The following KIF23 variants were observed in gnomAD, a reference collection of about 807,000 sequenced individuals.
The protein encoded by KIF23 is kinesin-like protein KIF23.
In KIF23, 30 loss-of-function variants were observed where a neutral mutation model predicts 137.5. That is an observed-to-expected ratio of 0.22 (90% confidence interval 0.16 to 0.30). The LOEUF (loss-of-function observed/expected upper bound fraction) is 0.30, where lower values mean the gene tolerates loss of function less well. KIF23 is among the 10% of genes least tolerant of loss of function. The pLI is 1.00. For missense variants in KIF23, 920 were observed against 1,194.3 expected, an observed-to-expected ratio of 0.77 and a Z score of 3.38; for synonymous variants, 367 against 391.1, an observed-to-expected ratio of 0.94 and a Z score of 0.73.
intron 23 of KIF23, among the ~76,000 whole-genome samples, chr15:69,447,575 A>G (rs2057768136): frequency 6.6e-6 from 1 of 152,190 alleles, no homozygotes; most frequent in African/African-American, 2.4e-5. Context: ...CTTACTGAGC[A>G]ATTTAGAAAA....
rs1595986018 is a variant in KIF23 at position 69,423,181 on chromosome 15, G to A, written c.586G>A (p.Ala196Thr). ...TAGACGACAAGTAGATCCAGAGTTT[G>A]CAGATATGATAACTGTACAAGAATT... ...SSKRQVDPEF[A>T]DMITVQEFCK... The change falls in exon 7 of 24, where the codon GCA becomes ACA. Residue 196 changes from alanine to threonine, a missense_variant. By Grantham distance (58) the Ala-to-Thr change is moderately conservative. Transcript: ENST00000679126. 4.4e-6 allele frequency: 7 copies of A among 1,593,450 alleles called. No homozygotes were observed. The highest frequency in any genetic ancestry group is 6.0e-6 in the Non-Finnish European group (7 of 1,168,520).
intron 14 of KIF23, 35 bp downstream of exon 14, chr15:69,436,296 T>TG (rs2057477959): frequency 1.3e-6 from 2 of 1,593,606 alleles, no homozygotes; most frequent in South Asian, 2.3e-5. Flanking sequence ...GTCCACTCAT[T>TG]GGTCTGTCTG....
rs140275749 is a variant in KIF23, at chr15:69,429,369, A to C, written c.1114+156A>C. Among the ~76,000 whole-genome samples the C allele has an allele frequency of 2.0e-4, 30 of 152,270 alleles. No homozygotes were observed. The East Asian group carries it at 5.0e-3, about 25-fold the overall frequency. On this transcript the variant is annotated intron_variant, in intron 11 of 23. Transcript: ENST00000679126. ...ACCCAGGATGGAATGCAGTGGTGTG[A>C]TCATGGCTCATTGCAGCCTCAAACT... is the stretch of plus-strand genomic sequence containing the variant.
chr15:69,416,951 A>AAATC (rs2056929767), intron 2 of KIF23, among the ~76,000 whole-genome samples: 1 of 151,652 alleles, frequency 6.6e-6, no homozygotes, highest in South Asian at 2.1e-4. Context: ...CTCTGTCTCT[A>AAATC]AATAAATAAA....
chr15:69,429,228 GTATT>G lies in KIF23; in HGVS notation c.1114+24_1114+27del. ...ACGTGAAGCTGGTGAGTAAAGCATG[GTATT>G]TATTTATTGCTACAACTTTCAGAAA... On this transcript the variant is annotated intron_variant, in intron 11 of 23. Transcript: ENST00000679126. 6.4e-7 allele frequency: 1 copy of G among 1,563,744 alleles called. No homozygotes were observed. The highest frequency in any genetic ancestry group is 1.4e-5 in the African/African-American group (1 of 73,134).
chr15:69,419,072 G>A (rs531180024), intron 3 of KIF23, among the ~76,000 whole-genome samples: 6 of 152,242 alleles, frequency 3.9e-5, no homozygotes, highest in South Asian at 4.1e-4. Flanking sequence ...AGCCGAGATC[G>A]CGCCATTGCA....
intron 7 of KIF23, among the ~76,000 whole-genome samples, chr15:69,424,728 G>A (rs1333751827): frequency 3.9e-5 from 6 of 152,196 alleles, no homozygotes; most frequent in East Asian, 3.9e-4. Context: ...GGTTGGTCTC[G>A]AACTCCTGGC....
chr15:69,424,845 A>G (rs1050171734), intron 7 of KIF23, among the ~76,000 whole-genome samples: 2 of 152,116 alleles, frequency 1.3e-5, no homozygotes, highest in African/African-American at 4.8e-5. Flanking sequence ...TTACTTTCCC[A>G]TTTGTTTTAA....
chr15:69,436,476 C>T (rs1409554302), intron 14 of KIF23, 88 bp from the exon 15 acceptor site: 2 of 1,240,598 alleles, frequency 1.6e-6, no homozygotes, highest in Non-Finnish European at 2.3e-6. Context: ...TGGTTAGTTG[C>T]ACTGGGGCTG....
chr15:69,414,584 A>G, intron 1 of KIF23, 108 bp downstream of exon 1: 3 of 1,193,380 alleles, frequency 2.5e-6, no homozygotes, highest in Non-Finnish European at 3.3e-6. Flanking sequence ...GGCAGCGCGG[A>G]CAGCATCCCG....
Position 69,414,381 on chromosome 15 carries a change from G to T in KIF23, c.-85G>T, listed in dbSNP as rs1192330791. 2 of 1,536,526 alleles carry T rather than the reference G, an allele frequency of 1.3e-6. No homozygotes were observed. The highest frequency in any genetic ancestry group is 1.8e-6 in the Non-Finnish European group (2 of 1,137,608). On this transcript the variant is annotated 5_prime_UTR_variant, in exon 1 of 24. Transcript: ENST00000679126. Reference sequence around the variant, plus strand: ...ACCGCGCCTTAGCCGCGAAGTTCTAGTTCTTGCTGCCGGTCCTAACGTCCC... The same window carrying T: ...ACCGCGCCTTAGCCGCGAAGTTCTATTTCTTGCTGCCGGTCCTAACGTCCC...
intron 3 of KIF23, among the ~76,000 whole-genome samples, chr15:69,420,418 T>C (rs1006826455): frequency 2.0e-5 from 3 of 152,252 alleles, no homozygotes; most frequent in Admixed American, 2.0e-4. Flanking sequence ...ATCTATCTTC[T>C]CAGTATTAGC....
rs2057739331 is a variant in KIF23 at position 69,446,302 on chromosome 15, T to C, written c.2776T>C (p.Ser926Pro). ...SPNGSRKRRS[S>P]TVAPAQPDGA... ...TTTCAGTAGTCGAAAACGAAGATCT[T>C]CCACAGTAGCACCTGCCCAACCAGA... Residue 926 changes from serine to proline, a missense_variant, in exon 22 of 24, where the codon TCC becomes CCC. Ser to Pro is a moderately conservative substitution (Grantham distance 74, BLOSUM62 -1). Coordinates refer to ENST00000679126, the MANE Select transcript of KIF23 (RefSeq NM_001367805.3). The C allele has an allele frequency of 3.7e-6, 6 of 1,614,146 alleles. No homozygotes were observed. The highest frequency in any genetic ancestry group is 5.1e-6 in the Non-Finnish European group (6 of 1,179,968).
chr15:69,426,847 C>T (rs546250777), intron 10 of KIF23, among the ~76,000 whole-genome samples: 3 of 152,236 alleles, frequency 2.0e-5, no homozygotes, highest in Admixed American at 6.5e-5. Flanking sequence ...TGAAAATATT[C>T]GAAAATAAAA....
intron 3 of KIF23, among the ~76,000 whole-genome samples, chr15:69,421,169 G>A (rs1286961304): frequency 2.0e-5 from 3 of 152,094 alleles, no homozygotes; most frequent in Non-Finnish European, 4.4e-5. Context: ...GAGGTGGGTG[G>A]ATCACCTAAG....
In KIF23 at chr15:69,414,427, G is replaced by T; in HGVS notation, c.-39G>T. The T allele has an allele frequency of 6.3e-7, 1 of 1,576,546 alleles. No individual in the cohort carries two copies. The highest frequency in any genetic ancestry group is 8.6e-7 in the Non-Finnish European group (1 of 1,161,114). On this transcript the variant is annotated 5_prime_UTR_variant, in exon 1 of 24. Transcript: ENST00000679126. ...GTCCCGCAGTCTTCGCCAGCCAGCC[G>T]TCCCGCATGCGCGTTTGGGCGGCGT... is the stretch of plus-strand genomic sequence containing the variant.
At chr15:69,431,190 C>T (rs891170844) in intron 11 of KIF23, among the ~76,000 whole-genome samples, 1 of 152,096 alleles carries the variant, frequency 6.6e-6, no homozygotes, top group Admixed American at 6.5e-5. Context: ...CAGGTATAGG[C>T]AGGTAATGAG....
At chr15:69,414,571 G>T in intron 1 of KIF23, 95 bp downstream of exon 1, 9 of 1,236,946 alleles carry the variant, frequency 7.3e-6, no homozygotes, top group South Asian at 1.8e-5. Flanking sequence ...GCGGCCGTAC[G>T]CGGGCAGCGC....
In KIF23 at chr15:69,426,465, TGTA is replaced by T. The variant is rs2057195125; in HGVS notation, c.1011+12_1011+14del. The T allele has an allele frequency of 6.2e-7, 1 of 1,613,040 alleles. No homozygotes were observed. Among genetic ancestry groups the T allele is most frequent in the African/African-American group, 1.3e-5 (1 of 74,844 alleles). ...GGAGACAATGTCTTACAGGTAAAGTTGTAGTATGTGGAGTTTTTCTGGTTCTAA... is the reference window on the plus strand; with the variant it reads ...GGAGACAATGTCTTACAGGTAAAGTTGTATGTGGAGTTTTTCTGGTTCTAA... On this transcript the variant is annotated intron_variant, in intron 10 of 23. Coordinates refer to ENST00000679126, the MANE Select transcript of KIF23 (RefSeq NM_001367805.3).
Sources: allele counts gnomAD v4.1 joint callset (sites outside exome capture counted in the v4.1 genomes callset), GRCh38; gene constraint gnomAD v4.1.1; transcripts MANE v1.5; gene names NCBI Gene and HGNC (gene_info 2026-07-23, HGNC 2026-07-21).